OR2J1: variants seen among roughly 807,000 people sequenced by gnomAD.
OR2J1 encodes olfactory receptor family 2 subfamily J member 1.
OR2J1 carries 10 observed loss-of-function variants against 10.2 expected under a neutral mutation model. That is an observed-to-expected ratio of 0.98 (90% confidence interval 0.60 to 1.66). OR2J1 has a LOEUF of 1.66. Ranked by LOEUF, OR2J1 falls within the 40% of genes most tolerant of loss-of-function variation. OR2J1 has a pLI of 0.00. For synonymous variants in OR2J1, 143 were observed against 138.8 expected, an observed-to-expected ratio of 1.03 and a Z score of -0.21; for missense variants, 317 against 379.4, an observed-to-expected ratio of 0.84 and a Z score of 1.37.
chr6:29,101,899 CTGT>C lies in OR2J1; in HGVS notation c.*23_*25del. 1 of 1,011,268 alleles carries C rather than the reference CTGT, an allele frequency of 9.9e-7. No individual in the cohort carries two copies. Among genetic ancestry groups the C allele is most frequent in the Non-Finnish European group, 1.5e-6 (1 of 645,270 alleles). The allele number at this position is 1,011,268 out of a possible 1,614,324, so 62.6% of individuals were successfully genotyped here. The stretch of plus-strand genomic sequence containing the variant: ...GGATGTGACAGGGAAATCATGTTGG[CTGT>C]TGTTTTTCCTAGGGTCTTATCCATT... On this transcript the variant is annotated 3_prime_UTR_variant, in exon 2 of 2. Coordinates refer to ENST00000641659, the MANE Select transcript of OR2J1 (RefSeq NM_001348294.2).
In OR2J1 at chr6:29,101,879, T is replaced by G. The variant is rs1175941130; in HGVS notation, c.937T>G (p.Ter313GlyextTer11). 1 of 1,155,460 alleles carries G rather than the reference T, an allele frequency of 8.7e-7. No homozygotes were observed. The highest frequency in any genetic ancestry group is 2.3e-5 in the East Asian group (1 of 42,754). 71.6% of individuals were successfully genotyped at this position (1,155,460 alleles called of 1,614,324 possible). A position where few individuals can be genotyped will look rare whatever the true frequency, so the allele number is the denominator to read the frequency against. Residue 313 changes from the stop codon to glycine (G), a stop_lost, in exon 2 of 2, where the codon TGA (stop) becomes GGA (glycine). Coordinates refer to ENST00000641659, the MANE Select transcript of OR2J1 (RefSeq NM_001348294.2). ...KRLMGWEWGM[*>G] is the part of the protein sequence containing the mutation. ...ACTAATGGGGTGGGAATGGGGGATG[T>G]GACAGGGAAATCATGTTGGCTGTTG...
In OR2J1 at chr6:29,101,838, GA is replaced by G. The variant is rs1761649766; in HGVS notation, c.897del (p.Ala301GlnfsTer2). The G allele has an allele frequency of 4.6e-6, 7 of 1,514,402 alleles. No individual in the cohort carries two copies. The highest frequency in any genetic ancestry group is 6.4e-6 in the Non-Finnish European group (7 of 1,089,224). The allele number at this position is 1,514,402 out of a possible 1,614,324, so 93.8% of individuals were successfully genotyped here. A position where few individuals can be genotyped will look rare whatever the true frequency, so the allele number is the denominator to read the frequency against. ...TACACTTTCAGAAACAAGGATGTAA[GA>G]GGGGCAGTGAAGAGACTAATGGGGT... ...LIYTFRNKDV[R>X]GAVKRLMGWE... On this transcript the variant is annotated frameshift_variant, in exon 2 of 2. Coordinates refer to ENST00000641659, the MANE Select transcript of OR2J1 (RefSeq NM_001348294.2). LOFTEE classifies it high-confidence loss of function.
Position 29,099,529 on chromosome 6 carries a change from A to G in OR2J1, c.-513A>G, listed in dbSNP as rs1474127528. On this transcript the variant is annotated 5_prime_UTR_variant, in exon 1 of 2. Transcript: ENST00000641659. ...GGAAGTCAGGCAGCTGCATTAGGAA[A>G]GAAAATTATACCTGCATTAGCAAAA... The G allele has an allele frequency of 6.6e-6, 1 of 152,212 alleles. No individual in the cohort carries two copies. Among genetic ancestry groups the G allele is most frequent in the Non-Finnish European group, 1.5e-5 (1 of 68,044 alleles). 9.4% of individuals were successfully genotyped at this position (152,212 alleles called of 1,614,324 possible). A position where few individuals can be genotyped will look rare whatever the true frequency, so the allele number is the denominator to read the frequency against.
Position 29,101,168 on chromosome 6 carries a change from A to C in OR2J1, c.226A>C (p.Thr76Pro). 2 of 1,590,892 alleles carry C rather than the reference A, an allele frequency of 1.3e-6. No homozygotes were observed. The highest frequency in any genetic ancestry group is 1.7e-6 in the Non-Finnish European group (2 of 1,159,034). The change falls in exon 2 of 2, where the codon ACC becomes CCC. Residue 76 changes from threonine (T) to proline (P), a missense_variant. Transcript: ENST00000641659. ...CTCATTTCTGGATCTCTGCTACACC[A>C]CCAGCTCTATCCCTCAGTTGCTGGT... ...NLSFLDLCYT[T>P]SSIPQLLVNL...
At position 29,102,117 on chromosome 6, in the gene OR2J1, T is replaced by G. The variant is rs1761672112; in HGVS notation, c.*236T>G. The G allele has an allele frequency of 2.3e-6, 1 of 431,234 alleles. No homozygotes were observed. The highest frequency in any genetic ancestry group is 4.1e-6 in the Non-Finnish European group (1 of 245,172). 26.7% of individuals were successfully genotyped at this position (431,234 alleles called of 1,614,324 possible). On this transcript the variant is annotated 3_prime_UTR_variant, in exon 2 of 2. Transcript: ENST00000641659. ...TCTATATTTATTTCCATGAAAATTG[T>G]GGACTGTGGTTTCAACATAAATAAA...
Position 29,101,226 on chromosome 6 carries a change from A to C in OR2J1, c.284A>C (p.Tyr95Ser), listed in dbSNP as rs772528917. Residue 95 changes from tyrosine (Y) to serine (S), a missense_variant, in exon 2 of 2, where the codon TAT becomes TCT. By Grantham distance (144) the Tyr-to-Ser change is moderately radical. Coordinates refer to ENST00000641659, the MANE Select transcript of OR2J1 (RefSeq NM_001348294.2). ...NLWGPEKTIS[Y>S]AGCTVQLYFV... ...TGGGGCCCGGAAAAGACCATCTCTT[A>C]TGCTGGTTGTACGGTTCAACTTTAC... 6.9e-6 allele frequency: 11 copies of C among 1,597,730 alleles called. No individual in the cohort carries two copies. The highest frequency in any genetic ancestry group is 3.3e-5 in the Admixed American group (2 of 59,974).
At chr6:29,100,024 T>G (rs1360598567) in intron 1 of OR2J1, among the ~76,000 whole-genome samples, 166 bp downstream of exon 1, 1 of 152,046 alleles carries the variant, frequency 6.6e-6, no homozygotes, top group Non-Finnish European at 1.5e-5. Flanking sequence ...TAAAGTATAG[T>G]TCAGTTATTG....
In OR2J1 at chr6:29,101,322, T is replaced by C. The variant is rs1761592925; in HGVS notation, c.380T>C (p.Val127Ala). ...ATGTCCTATGATCGTTATGCAGCTG[T>C]GTGTAGACCTTTGCATTACACTGTC... ...VVMSYDRYAAVCRPLHYTVLM... is the reference protein window; with the variant it reads ...VVMSYDRYAAACRPLHYTVLM... Residue 127 changes from valine (V) to alanine (A), a missense_variant, in exon 2 of 2, where the codon GTG (valine) becomes GCG (alanine). Transcript: ENST00000641659. 2 of 1,602,736 alleles carry C rather than the reference T, an allele frequency of 1.2e-6. No homozygotes were observed. Among genetic ancestry groups the C allele is most frequent in the Non-Finnish European group, 8.5e-7 (1 of 1,169,656 alleles).
rs530564550 is a variant in OR2J1, at chr6:29,101,553, G to C, written c.611G>C (p.Ser204Thr). The change falls in exon 2 of 2, where the codon AGC becomes ACC. Residue 204 changes from serine (S) to threonine (T), a missense_variant. Transcript: ENST00000641659. ...AATGAGCTGACCCTCATGGTCATGAGCTCCATATTTGTTCTCATACCTCTC... is the reference window on the plus strand; with the variant it reads ...AATGAGCTGACCCTCATGGTCATGACCTCCATATTTGTTCTCATACCTCTC... ...QANELTLMVM[S>T]SIFVLIPLIL... is the part of the protein sequence containing the mutation. 35 of 1,595,280 alleles carry C rather than the reference G, an allele frequency of 2.2e-5. No individual in the cohort carries two copies. The East Asian group carries it at 7.4e-4, about 34-fold the overall frequency.
Position 29,101,645 on chromosome 6 carries a change from C to A in OR2J1, c.703C>A (p.Leu235Ile). Residue 235 changes from leucine to isoleucine, a missense_variant, in exon 2 of 2, where the codon CTT becomes ATT. Transcript: ENST00000641659. ...AVLSMQSTTG[L>I]QKVLRTCGAH... ...ACTGAGCATGCAATCAACCACTGGG[C>A]TTCAGAAAGTGCTTAGGACATGTGG... 1 of 1,613,328 alleles carries A rather than the reference C, an allele frequency of 6.2e-7. No individual in the cohort carries two copies. Among genetic ancestry groups the A allele is most frequent in the Non-Finnish European group, 8.5e-7 (1 of 1,179,246 alleles).
Position 29,101,255 on chromosome 6 carries a change from G to T in OR2J1, c.313G>T (p.Val105Phe). 6.2e-7 allele frequency: 1 copy of T among 1,601,970 alleles called. No homozygotes were observed. The highest frequency in any genetic ancestry group is 1.3e-5 in the African/African-American group (1 of 74,742). The change falls in exon 2 of 2, where the codon GTT (valine) becomes TTT (phenylalanine). Residue 105 changes from valine to phenylalanine, a missense_variant. Transcript: ENST00000641659. ...TGGTTGTACGGTTCAACTTTACTTT[G>T]TTCTCGCACTGGGAACCGCAGAGTG... Reference protein sequence around the residue: ...YAGCTVQLYFVLALGTAECVL... With the variant: ...YAGCTVQLYFFLALGTAECVL...
rs778254276 is a variant in OR2J1, at chr6:29,101,659, T to G, written c.717T>G (p.Leu239=). The G allele has an allele frequency of 4.2e-5, 67 of 1,613,528 alleles. No individual in the cohort carries two copies. In the Admixed American group the frequency reaches 4.7e-4, roughly 11 times the overall value. ...CAACCACTGGGCTTCAGAAAGTGCT[T>G]AGGACATGTGGAGCCCATCTTATGG... ...MQSTTGLQKV[L]RTCGAHLMVV... The change falls in exon 2 of 2, where the codon CTT becomes CTG. Residue 239 remains leucine (L), a synonymous_variant. Transcript: ENST00000641659.
Position 29,101,611 on chromosome 6 carries a change from C to G in OR2J1, c.669C>G (p.Ala223=). 6.2e-7 allele frequency: 1 copy of G among 1,611,492 alleles called. No individual in the cohort carries two copies. Among genetic ancestry groups the G allele is most frequent in the East Asian group, 2.2e-5 (1 of 44,868 alleles). Residue 223 remains alanine (A), a synonymous_variant, in exon 2 of 2, where the codon GCC becomes GCG. Coordinates refer to ENST00000641659, the MANE Select transcript of OR2J1 (RefSeq NM_001348294.2). ...TCCTCACTTCCTATGGTGCCATTGC[C>G]CGGGCTGTACTGAGCATGCAATCAA... ...ILILTSYGAI[A]RAVLSMQSTT...
Position 29,100,910 on chromosome 6 carries a change from G to A in OR2J1, c.-33G>A. ...ATGCATGGACAGACTTTGAGTTTAT[G>A]CGATTCTTTCTTTAGGTACAGGAAA... On this transcript the variant is annotated 5_prime_UTR_variant, in exon 2 of 2. It removes an upstream start codon present in the reference 5' UTR. Coordinates refer to ENST00000641659, the MANE Select transcript of OR2J1 (RefSeq NM_001348294.2). The A allele has an allele frequency of 5.2e-6, 5 of 953,354 alleles. No individual in the cohort carries two copies. Among genetic ancestry groups the A allele is most frequent in the Non-Finnish European group, 8.3e-6 (5 of 599,250 alleles). The allele number at this position is 953,354 out of a possible 1,614,324, so 59.1% of individuals were successfully genotyped here.
chr6:29,100,901 T>G lies in OR2J1; in HGVS notation c.-42T>G. On this transcript the variant is annotated 5_prime_UTR_variant, in exon 2 of 2. An upstream open reading frame in the 5' UTR loses its in-frame stop. Coordinates refer to ENST00000641659, the MANE Select transcript of OR2J1 (RefSeq NM_001348294.2). ...CAGTTGGCAATGCATGGACAGACTT[T>G]GAGTTTATGCGATTCTTTCTTTAGG... 5.5e-6 allele frequency: 5 copies of G among 911,092 alleles called. No individual in the cohort carries two copies. Among genetic ancestry groups the G allele is most frequent in the Non-Finnish European group, 8.9e-6 (5 of 564,752 alleles). The allele number at this position is 911,092 out of a possible 1,614,324, so 56.4% of individuals were successfully genotyped here.
At chr6:29,100,724 C>T (rs1761541818) in intron 1 of OR2J1, 36 bp from the exon 2 acceptor site, 1 of 451,592 alleles carries the variant, frequency 2.2e-6, no homozygotes, top group Non-Finnish European at 3.9e-6. Context: ...TATAAAAGAA[C>T]TCAGTAACTT....
At position 29,100,951 on chromosome 6, in the gene OR2J1, G is replaced by C; in HGVS notation, c.9G>C (p.Met3Ile). The change falls in exon 2 of 2, where the codon ATG becomes ATC. Residue 3 changes from methionine (M) to isoleucine (I), a missense_variant. Coordinates refer to ENST00000641659, the MANE Select transcript of OR2J1 (RefSeq NM_001348294.2). Reference protein sequence around the residue: MLMKKNASFEDFF... With the variant: MLIKKNASFEDFF... ...GTACAGGAAAAATAAGAATGTTGAT[G>C]AAAAAAAATGCAAGTTTTGAAGACT... 1 of 1,256,566 alleles carries C rather than the reference G, an allele frequency of 8.0e-7. No homozygotes were observed. The highest frequency in any genetic ancestry group is 1.2e-6 in the Non-Finnish European group (1 of 860,602). The allele number at this position is 1,256,566 out of a possible 1,614,324, so 77.8% of individuals were successfully genotyped here.
chr6:29,101,511 G>A lies in OR2J1; in HGVS notation c.569G>A (p.Cys190Tyr), dbSNP rs772169594. ...CEVPALLRLS[C>Y]VDTQANELTL... ...GTTCCAGCACTTCTGCGATTATCAT[G>A]TGTTGATACCCAGGCAAATGAGCTG... is the stretch of plus-strand genomic sequence containing the variant. Residue 190 changes from cysteine (C) to tyrosine (Y), a missense_variant, in exon 2 of 2, where the codon TGT becomes TAT. Transcript: ENST00000641659. 8.5e-6 allele frequency: 13 copies of A among 1,533,114 alleles called. No homozygotes were observed. Among genetic ancestry groups the A allele is most frequent in the South Asian group, 1.1e-5 (1 of 89,596 alleles). 95.0% of individuals were successfully genotyped at this position (1,533,114 alleles called of 1,614,324 possible). A position where few individuals can be genotyped will look rare whatever the true frequency, so the allele number is the denominator to read the frequency against.
rs749730968 is a variant in OR2J1, at chr6:29,101,500, G to A, written c.558G>A (p.Leu186=). Residue 186 remains leucine (L), a synonymous_variant, in exon 2 of 2, where the codon CTG becomes CTA. Coordinates refer to ENST00000641659, the MANE Select transcript of OR2J1 (RefSeq NM_001348294.2). ...TCTTCTGTGAAGTTCCAGCACTTCT[G>A]CGATTATCATGTGTTGATACCCAGG... The part of the protein sequence containing the change: ...DHFFCEVPAL[L]RLSCVDTQAN... The A allele has an allele frequency of 2.0e-6, 3 of 1,519,248 alleles. No homozygotes were observed. In the South Asian group the frequency reaches 3.4e-5, roughly 17 times the overall value. 94.1% of individuals were successfully genotyped at this position (1,519,248 alleles called of 1,614,324 possible).
Sources: allele counts gnomAD v4.1 joint callset (sites outside exome capture counted in the v4.1 genomes callset), GRCh38; gene constraint gnomAD v4.1.1; transcripts MANE v1.5; gene names NCBI Gene and HGNC (gene_info 2026-07-23, HGNC 2026-07-21).